The following UBAC2 variants were observed in gnomAD, a reference collection of about 807,000 sequenced individuals.
UBAC2 encodes ubiquitin-associated domain-containing protein 2.
UBAC2 carries 26 observed loss-of-function variants against 44.0 expected under a neutral mutation model. That is an observed-to-expected ratio of 0.59 (90% confidence interval 0.43 to 0.82). UBAC2 has a LOEUF of 0.82. Ranked by LOEUF, UBAC2 falls within the 40% of genes least tolerant of loss-of-function variation. UBAC2 has a pLI of 0.00. For synonymous variants in UBAC2, 155 were observed against 154.3 expected (o/e 1.00, Z -0.04); for missense variants, 329 against 419.4 (o/e 0.78, Z 1.88).
intron 1 of UBAC2, chr13:99,215,526 T>G: frequency 1.4e-6 from 2 of 1,469,780 alleles, no homozygotes; most frequent in Non-Finnish European, 1.9e-6. Flanking sequence ...ACACTTTACC[T>G]TTAAGTCTTT....
chr13:99,300,799 C>T (rs1242713023), intron 4 of UBAC2, among the ~76,000 whole-genome samples: 38 of 152,174 alleles, frequency 2.5e-4, no homozygotes, highest in Non-Finnish European at 8.8e-5. Flanking sequence ...GCAGTATGTG[C>T]TGGGTTCCTC....
intron 4 of UBAC2, chr13:99,296,128 T>A: frequency 1.2e-6 from 2 of 1,601,130 alleles, no homozygotes; most frequent in Non-Finnish European, 1.7e-6. Flanking sequence ...TAAAATTGTT[T>A]GCCATTTGTA....
At chr13:99,233,048 T>C in intron 1 of UBAC2, among the ~76,000 whole-genome samples, 1 of 152,150 alleles carries the variant, frequency 6.6e-6, no homozygotes, top group East Asian at 1.9e-4. Flanking sequence ...CTCTGATTAC[T>C]GAAAGAGCTA....
chr13:99,213,922 C>A (rs967565157), intron 1 of UBAC2, among the ~76,000 whole-genome samples: 1 of 152,118 alleles, frequency 6.6e-6, no homozygotes, highest in Non-Finnish European at 1.5e-5. Context: ...CAGGTTCAAG[C>A]GATTCTCCTG....
At chr13:99,274,353 A>G (rs1188367455) in intron 4 of UBAC2, among the ~76,000 whole-genome samples, 2 of 150,128 alleles carry the variant, frequency 1.3e-5, no homozygotes, top group African/African-American at 2.5e-5. Context: ...TTTTCTTGAG[A>G]TAGGGTCTTG....
chr13:99,253,884 A>G (rs546476346), intron 4 of UBAC2, among the ~76,000 whole-genome samples: 1 of 152,374 alleles, frequency 6.6e-6, no homozygotes, highest in South Asian at 2.1e-4. Context: ...GTTAAGAGTG[A>G]TAAAGGTAAT....
intron 4 of UBAC2, among the ~76,000 whole-genome samples, chr13:99,250,739 G>T (rs1208005667): frequency 6.6e-6 from 1 of 150,650 alleles, no homozygotes; most frequent in African/African-American, 2.4e-5. Flanking sequence ...TATCATCTTT[G>T]ATTTTTTTCT....
At chr13:99,315,109 A>G (rs185712288) in intron 5 of UBAC2, among the ~76,000 whole-genome samples, 41 of 152,170 alleles carry the variant, frequency 2.7e-4, no homozygotes, top group African/African-American at 6.7e-4. Flanking sequence ...TGTGTTATCA[A>G]TGGCTCATCT....
chr13:99,331,504 C>T lies in UBAC2; in HGVS notation c.562-8816C>T, dbSNP rs545479532. Reference sequence around the variant, plus strand: ...GTTTTCCAAGAATCAGAAGGATATCCAGCATTTTAATTGGGTACCTCAAAA... The same window carrying T: ...GTTTTCCAAGAATCAGAAGGATATCTAGCATTTTAATTGGGTACCTCAAAA... On this transcript the variant is annotated intron_variant, in intron 6 of 8. Coordinates refer to ENST00000403766, the MANE Select transcript of UBAC2 (RefSeq NM_001144072.2). 4.6e-5 allele frequency among the ~76,000 whole-genome samples: 7 copies of T among 152,254 alleles called. No homozygotes were observed. In the Middle Eastern group the frequency reaches 0.01, roughly 222 times the overall value.
At chr13:99,219,410 A>G (rs1211656995) in intron 1 of UBAC2, among the ~76,000 whole-genome samples, 2 of 152,234 alleles carry the variant, frequency 1.3e-5, no homozygotes, top group Non-Finnish European at 1.5e-5. Context: ...TTGTTGTGCA[A>G]TTAACAGCAA....
intron 4 of UBAC2, among the ~76,000 whole-genome samples, chr13:99,250,773 G>A (rs2043448463): frequency 6.6e-6 from 1 of 151,598 alleles, no homozygotes. Flanking sequence ...TTGAGACGGA[G>A]TCTCACTCTG....
intron 4 of UBAC2, among the ~76,000 whole-genome samples, chr13:99,308,146 C>G (rs2044363698): frequency 6.6e-6 from 1 of 152,150 alleles, no homozygotes; most frequent in Non-Finnish European, 1.5e-5. Flanking sequence ...TATTTGTAGG[C>G]TAAATTACCA....
intron 4 of UBAC2, among the ~76,000 whole-genome samples, chr13:99,277,286 G>T (rs1227016645): frequency 1.3e-5 from 2 of 152,180 alleles, no homozygotes; most frequent in Non-Finnish European, 2.9e-5. Flanking sequence ...AGCACTTTGG[G>T]AGGCCGAGGC....
intron 4 of UBAC2, among the ~76,000 whole-genome samples, chr13:99,290,440 G>T (rs1237034742): frequency 1.3e-5 from 2 of 152,000 alleles, no homozygotes; most frequent in Admixed American, 6.6e-5. Context: ...AAGAAAACAG[G>T]CAAGGCCGGG....
chr13:99,384,500 T>G (rs952637564), intron 8 of UBAC2, among the ~76,000 whole-genome samples: 2 of 152,222 alleles, frequency 1.3e-5, no homozygotes, highest in African/African-American at 4.8e-5. Flanking sequence ...AATCAGGATT[T>G]GTGGTCAAAA....
intron 1 of UBAC2, among the ~76,000 whole-genome samples, chr13:99,204,149 C>G (rs2042839580): frequency 6.6e-6 from 1 of 152,114 alleles, no homozygotes; most frequent in Non-Finnish European, 1.5e-5. Flanking sequence ...AATTGCATGC[C>G]TAATATTTTC....
chr13:99,207,675 GAGCCTA>G (rs148561647), intron 1 of UBAC2, among the ~76,000 whole-genome samples: 3,239 of 152,288 alleles, frequency 0.021, 57 homozygotes, highest in Non-Finnish European at 0.03. Flanking sequence ...GAAGTTTGAT[GAGCCTA>G]AGGTCCACTG....
chr13:99,259,172 T>C (rs2043619173), intron 4 of UBAC2, among the ~76,000 whole-genome samples: 2 of 152,354 alleles, frequency 1.3e-5, no homozygotes, highest in South Asian at 4.1e-4. Flanking sequence ...CCTGCCTTGT[T>C]AGGTTAATTT....
chr13:99,380,724 T>C (rs1012186846), intron 8 of UBAC2, among the ~76,000 whole-genome samples: 1 of 152,242 alleles, frequency 6.6e-6, no homozygotes, highest in Admixed American at 6.5e-5. Context: ...TTGGACACTA[T>C]GGGAAACCTT....
Sources: allele counts gnomAD v4.1 joint callset (sites outside exome capture counted in the v4.1 genomes callset), GRCh38; gene constraint gnomAD v4.1.1; transcripts MANE v1.5; gene names NCBI Gene and HGNC (gene_info 2026-07-23, HGNC 2026-07-21).